PASD1: variants seen among roughly 807,000 people sequenced by gnomAD.
The protein encoded by PASD1 is circadian clock protein PASD1.
In PASD1, 13 loss-of-function variants were observed where a neutral mutation model predicts 58.8. The observed-to-expected ratio is 0.22, with a 90% CI of 0.14 to 0.35. The LOEUF is 0.35. PASD1 is among the 10% of genes least tolerant of loss of function. The pLI, the probability that PASD1 is intolerant of heterozygous loss-of-function variation, is 1.00. For synonymous variants in PASD1, 236 were observed against 216.7 expected (o/e 1.09, Z -0.78); for missense variants, 734 against 568.3 (o/e 1.29, Z -2.96).
rs1441515580 is a variant in PASD1 at position 151,672,259 on chromosome X, A to C, written c.1514A>C (p.Glu505Ala). Residue 505 changes from glutamate (E) to alanine (A), a missense_variant, in exon 14 of 16, where the codon GAG becomes GCG. Transcript: ENST00000370357. Reference protein sequence around the residue: ...QLREQLQQLREQRKVQKQKKM... With the variant: ...QLREQLQQLRAQRKVQKQKKM... Reference sequence around the variant, plus strand: ...CGGGAGCAGCTGCAACAGCTGAGAGAGCAAAGGAAGGTGCAGAAGCAGAAG... The same window carrying C: ...CGGGAGCAGCTGCAACAGCTGAGAGCGCAAAGGAAGGTGCAGAAGCAGAAG... 8.6e-7 allele frequency: 1 copy of C among 1,166,107 alleles called. No individual in the cohort carries two copies. Among genetic ancestry groups the C allele is most frequent in the African/African-American group, 1.8e-5 (1 of 55,821 alleles).
chrX:151,624,443 G>C (rs10127113), intron 7 of PASD1, among the ~76,000 whole-genome samples: 9,658 of 111,203 alleles, frequency 0.087, 857 homozygotes, highest in African/African-American at 0.27. Flanking sequence ...ATAAGGGAAG[G>C]CTCTGATCCA....
Position 151,672,246 on chromosome X carries a change from CAA to C in PASD1, c.1502_1503del (p.Gln501ProfsTer74). On this transcript the variant is annotated frameshift_variant, in exon 14 of 16. Coordinates refer to ENST00000370357, the MANE Select transcript of PASD1 (RefSeq NM_173493.3). LOFTEE classifies it high-confidence loss of function. The stretch of plus-strand genomic sequence containing the variant: ...GCAGCGGCAGCTGCGGGAGCAGCTG[CAA>C]CAGCTGAGAGAGCAAAGGAAGGTGC... ...EQQRQLREQLQQLREQRKVQK... is the reference protein window; with the variant it reads ...EQQRQLREQLXQLREQRKVQK... 2 of 1,166,004 alleles carry C rather than the reference CAA, an allele frequency of 1.7e-6. No individual in the cohort carries two copies. The highest frequency in any genetic ancestry group is 3.2e-5 in the East Asian group (1 of 30,776).
At chrX:151,667,339 C>G in intron 11 of PASD1, among the ~76,000 whole-genome samples, 1 of 111,630 alleles carries the variant, frequency 9.0e-6, no homozygotes. Flanking sequence ...GTTGCCTGTT[C>G]ACTCTGATGG....
At chrX:151,590,481 C>T (rs2013229124) in intron 1 of PASD1, among the ~76,000 whole-genome samples, 1 of 111,884 alleles carries the variant, frequency 8.9e-6, no homozygotes, top group African/African-American at 3.3e-5. Context: ...TAAAGTAGTC[C>T]ATGGATGGTG....
chrX:151,674,704 T>A (rs1379774462), intron 15 of PASD1, among the ~76,000 whole-genome samples: 1 of 112,690 alleles, frequency 8.9e-6, no homozygotes, highest in Non-Finnish European at 1.9e-5. Flanking sequence ...TGGAAGCTGG[T>A]CCAGATGGCA....
At chrX:151,588,963 G>C (rs1289881071) in intron 1 of PASD1, among the ~76,000 whole-genome samples, 1 of 111,082 alleles carries the variant, frequency 9.0e-6, no homozygotes, top group Non-Finnish European at 1.9e-5. Flanking sequence ...TTTTCTCAGT[G>C]AGCTTTCCCC....
intron 3 of PASD1, among the ~76,000 whole-genome samples, chrX:151,609,444 CTG>C (rs1269188003): frequency 8.9e-6 from 1 of 111,789 alleles, no homozygotes; most frequent in Non-Finnish European, 1.9e-5. Flanking sequence ...AACTGAAACT[CTG>C]TACTCAAACA....
intron 4 of PASD1, among the ~76,000 whole-genome samples, chrX:151,619,502 T>A (rs2013678180): frequency 9.0e-6 from 1 of 111,269 alleles, no homozygotes; most frequent in Admixed American, 9.6e-5. Context: ...TGCCTAGTAT[T>A]CAGGAAGCAA....
chrX:151,649,529 A>G lies in PASD1; in HGVS notation c.717+827A>G, dbSNP rs143072757. Among the ~76,000 whole-genome samples the G allele has an allele frequency of 6.8e-4, 76 of 111,918 alleles. 3 individuals carry two copies. The East Asian group carries it at 0.012, about 18-fold the overall frequency. ...TGCCAGGCTACCTCATGGGGATATA[A>G]TAATGCTCAAAGGAATCTTATCGGG... On this transcript the variant is annotated intron_variant, in intron 9 of 15. Coordinates refer to ENST00000370357, the MANE Select transcript of PASD1 (RefSeq NM_173493.3).
At chrX:151,582,196 C>T (rs1404910196) in intron 1 of PASD1, among the ~76,000 whole-genome samples, 1 of 110,031 alleles carries the variant, frequency 9.1e-6, no homozygotes, top group Non-Finnish European at 1.9e-5. Flanking sequence ...CCGTGTTAGC[C>T]GGGGTGGTCT....
At chrX:151,672,907 G>A (rs991506062) in intron 14 of PASD1, 5 of 415,432 alleles carry the variant, frequency 1.2e-5, no homozygotes, top group African/African-American at 2.5e-5. Context: ...ACTAGATAAG[G>A]AAGCCTCAAT....
At chrX:151,626,461 A>G (rs765199138) in intron 8 of PASD1, among the ~76,000 whole-genome samples, 11 of 111,842 alleles carry the variant, frequency 9.8e-5, no homozygotes, top group Non-Finnish European at 2.1e-4. Flanking sequence ...GATTTCTGTA[A>G]AATATAAATT....
chrX:151,642,762 G>C (rs1003875393), intron 8 of PASD1, among the ~76,000 whole-genome samples: 1 of 112,177 alleles, frequency 8.9e-6, no homozygotes, highest in Non-Finnish European at 1.9e-5. Context: ...AGTTTTTGAA[G>C]ATACTTAGGA....
intron 1 of PASD1, among the ~76,000 whole-genome samples, chrX:151,582,941 T>C (rs2013118999): frequency 8.9e-6 from 1 of 112,231 alleles, no homozygotes; most frequent in African/African-American, 3.2e-5. Context: ...GACATAAATG[T>C]AATTGCTACA....
In PASD1 at chrX:151,629,275, A is replaced by T. The variant is rs1353656065; in HGVS notation, c.629+3745A>T. Among the ~76,000 whole-genome samples the T allele has an allele frequency of 3.6e-5, 4 of 110,599 alleles. No individual in the cohort carries two copies. In the East Asian group the frequency reaches 1.1e-3, roughly 32 times the overall value. Reference sequence around the variant, plus strand: ...GCTGGGATTACAGGCACGTACCACCACGCCTGGCTACTTTTTATATTTTTA... The same window carrying T: ...GCTGGGATTACAGGCACGTACCACCTCGCCTGGCTACTTTTTATATTTTTA... On this transcript the variant is annotated intron_variant, in intron 8 of 15. Coordinates refer to ENST00000370357, the MANE Select transcript of PASD1 (RefSeq NM_173493.3).
chrX:151,664,197 C>CG lies in PASD1; in HGVS notation c.922dup (p.Val308GlyfsTer61). The CG allele has an allele frequency of 8.3e-7, 1 of 1,211,453 alleles. No individual in the cohort carries two copies. The highest frequency in any genetic ancestry group is 1.1e-6 in the Non-Finnish European group (1 of 895,460). ...GCAGACCCAGTGGACCTGGAGTTCT[C>CG]GGTGGATCAGGTGGACTCAGTGGAC... is the stretch of plus-strand genomic sequence containing the variant. On this transcript the variant is annotated frameshift_variant, in exon 11 of 16. Coordinates refer to ENST00000370357, the MANE Select transcript of PASD1 (RefSeq NM_173493.3). LOFTEE classifies it high-confidence loss of function.
chrX:151,592,294 C>A (rs1469162976), intron 1 of PASD1, among the ~76,000 whole-genome samples: 1 of 112,328 alleles, frequency 8.9e-6, no homozygotes. Context: ...CTTACACAGA[C>A]TTCGCATTGT....
intron 8 of PASD1, among the ~76,000 whole-genome samples, chrX:151,647,843 T>G (rs2014079843): frequency 9.0e-6 from 1 of 111,236 alleles, no homozygotes; most frequent in African/African-American, 3.3e-5. Flanking sequence ...GGTTTTCTCT[T>G]AATTATGTGT....
At chrX:151,648,746 C>T (rs1421025544) in intron 9 of PASD1, 44 bp downstream of exon 9, 1 of 1,166,177 alleles carries the variant, frequency 8.6e-7, no homozygotes, top group South Asian at 1.8e-5. Context: ...AGACCCTTAT[C>T]CGTGTGATGT....
Sources: allele counts gnomAD v4.1 joint callset (sites outside exome capture counted in the v4.1 genomes callset), GRCh38; gene constraint gnomAD v4.1.1; transcripts MANE v1.5; gene names NCBI Gene and HGNC (gene_info 2026-07-23, HGNC 2026-07-21).